FLVCR1: variants seen among roughly 807,000 people sequenced by gnomAD.
The protein encoded by FLVCR1 is FLVCR choline and heme transporter 1, also known as choline/ethanolamine transporter FLVCR1.
Under a neutral mutation model 53.6 loss-of-function variants are expected in FLVCR1, and 34 were observed. The ratio of observed to expected loss-of-function variants is 0.63; its 90% CI spans 0.48 to 0.84. The LOEUF is 0.84. Among genes scored for constraint, FLVCR1 ranks in the 40% least tolerant of loss-of-function variants. The pLI is 0.00. For synonymous variants in FLVCR1, 300 were observed against 286.3 expected, an observed-to-expected ratio of 1.05 and a Z score of -0.48; for missense variants, 677 against 696.7, an observed-to-expected ratio of 0.97 and a Z score of 0.32.
At position 212,859,198 on chromosome 1, in the gene FLVCR1, C is replaced by T. The variant is rs774389293; in HGVS notation, c.738+8C>T. On this transcript the variant is annotated splice_region_variant and intron_variant, in intron 1 of 9. Coordinates refer to ENST00000366971, the MANE Select transcript of FLVCR1 (RefSeq NM_014053.4). ...GCCGTGCTGGGCAATCAGGTAAGTACTGGAGTGGTAGGTGAAAGTCAGATC... is the reference window on the plus strand; with the variant it reads ...GCCGTGCTGGGCAATCAGGTAAGTATTGGAGTGGTAGGTGAAAGTCAGATC... The T allele has an allele frequency of 5.6e-6, 9 of 1,613,866 alleles. No homozygotes were observed. The highest frequency in any genetic ancestry group is 3.3e-5 in the South Asian group (3 of 91,066).
chr1:212,859,045 A>G lies in FLVCR1; in HGVS notation c.593A>G (p.His198Arg), dbSNP rs1664133784. The change falls in exon 1 of 10, where the codon CAT (histidine) becomes CGT (arginine). Residue 198 changes from histidine (H) to arginine (R), a missense_variant. By Grantham distance (29) the His-to-Arg change is conservative (BLOSUM62 0). Coordinates refer to ENST00000366971, the MANE Select transcript of FLVCR1 (RefSeq NM_014053.4). ...ATCAAGTGCGGCAGTGTGCAGCAGC[A>G]TCTCTTCTGGGTCACCATGTTGGGC... is the stretch of plus-strand genomic sequence containing the variant. ...AWIKCGSVQQ[H>R]LFWVTMLGQC... 6.2e-7 allele frequency: 1 copy of G among 1,612,460 alleles called. No individual in the cohort carries two copies.
chr1:212,879,408 AAGCTTGG>A (rs2102559431), intron 3 of FLVCR1, among the ~76,000 whole-genome samples: 1 of 152,276 alleles, frequency 6.6e-6, no homozygotes, highest in South Asian at 2.1e-4. Context: ...TGATATATAT[AAGCTTGG>A]AGCAGTCTTG....
At chr1:212,892,931 TC>T (rs1267199122) in intron 8 of FLVCR1, among the ~76,000 whole-genome samples, 1 of 152,112 alleles carries the variant, frequency 6.6e-6, no homozygotes, top group Non-Finnish European at 1.5e-5. Context: ...GTTCAAGACT[TC>T]AGTGGAGGAA....
chr1:212,870,108 T>A (rs1031558311), intron 2 of FLVCR1: 1 of 152,150 alleles, frequency 6.6e-6, no homozygotes, highest in African/African-American at 2.4e-5. Context: ...CAAGATCAGA[T>A]AGAATGAAAG....
intron 5 of FLVCR1, among the ~76,000 whole-genome samples, chr1:212,887,363 T>G (rs1052798490): frequency 6.6e-6 from 1 of 152,266 alleles, no homozygotes; most frequent in Non-Finnish European, 1.5e-5. Flanking sequence ...ACTCCTGTTG[T>G]GTGCATCTTT....
intron 8 of FLVCR1, among the ~76,000 whole-genome samples, chr1:212,889,491 G>A (rs1396894715): frequency 6.6e-6 from 1 of 152,196 alleles, no homozygotes; most frequent in Non-Finnish European, 1.5e-5. Context: ...TAAAGGCTGG[G>A]TGTGTTGGCT....
rs1665315852 is a variant in FLVCR1, at chr1:212,895,663, C to T, written c.*373C>T. 1 of 304,188 alleles carries T rather than the reference C, an allele frequency of 3.3e-6. No homozygotes were observed. Among genetic ancestry groups the T allele is most frequent in the African/African-American group, 2.2e-5 (1 of 45,466 alleles). The allele number at this position is 304,188 out of a possible 1,614,324, so 18.8% of individuals were successfully genotyped here. On this transcript the variant is annotated 3_prime_UTR_variant, in exon 10 of 10. Coordinates refer to ENST00000366971, the MANE Select transcript of FLVCR1 (RefSeq NM_014053.4). ...AAGTGATAATATGGGGTGTTCAGTC[C>T]CCATAAGATATAATAGTTCATGCAG... is the stretch of plus-strand genomic sequence containing the variant.
Position 212,887,988 on chromosome 1 carries a change from G to A in FLVCR1, c.1294G>A (p.Gly432Arg). The change falls in exon 6 of 10, where the codon GGA becomes AGA. Residue 432 changes from glycine to arginine, a missense_variant. Physicochemically the swap from Gly to Arg is moderately radical, Grantham distance 125 (BLOSUM62 -2). Transcript: ENST00000366971. ...ATATATTATCATCGTGTTTGTTACT[G>A]GAGGGGTGCTTGGGTAAGTATCAGA... ...LRYIIIVFVT[G>R]GVLGFFMTGY... The A allele has an allele frequency of 1.3e-6, 2 of 1,583,490 alleles. No homozygotes were observed. The highest frequency in any genetic ancestry group is 1.7e-6 in the Non-Finnish European group (2 of 1,152,604).
chr1:212,881,346 T>G (rs1252253214), intron 3 of FLVCR1, among the ~76,000 whole-genome samples: 2 of 102,722 alleles, frequency 1.9e-5, no homozygotes, highest in African/African-American at 5.9e-5. Context: ...CTGTCGAATT[T>G]CTTTTTTTTT....
chr1:212,877,290 A>G (rs553007436), intron 3 of FLVCR1, among the ~76,000 whole-genome samples: 48 of 152,132 alleles, frequency 3.2e-4, no homozygotes, highest in Admixed American at 3.9e-4. Context: ...AATATAAACA[A>G]TAGATGTTTA....
chr1:212,872,227 C>A (rs1447357461), intron 2 of FLVCR1, among the ~76,000 whole-genome samples: 1 of 152,088 alleles, frequency 6.6e-6, no homozygotes, highest in South Asian at 2.1e-4. Context: ...GGTTCTTCCC[C>A]CTTCAACCTC....
chr1:212,865,988 T>G (rs9787018), intron 2 of FLVCR1, among the ~76,000 whole-genome samples: 1 of 75,292 alleles, frequency 1.3e-5, no homozygotes, highest in East Asian at 4.6e-4. Flanking sequence ...TTGGTTTTTT[T>G]TTTTTTTTTT....
intron 3 of FLVCR1, among the ~76,000 whole-genome samples, chr1:212,875,810 C>T (rs1664737982): frequency 2.0e-5 from 3 of 149,948 alleles, no homozygotes; most frequent in Admixed American, 1.3e-4. Flanking sequence ...CACTGCACTC[C>T]AGCCTGGGTG....
intron 8 of FLVCR1, among the ~76,000 whole-genome samples, chr1:212,894,028 G>A (rs1214900020): frequency 1.3e-5 from 2 of 151,954 alleles, no homozygotes; most frequent in Admixed American, 6.6e-5. Flanking sequence ...CACCCGCCTC[G>A]GCCTCTCAAA....
chr1:212,866,914 A>G (rs2102542513), intron 2 of FLVCR1, among the ~76,000 whole-genome samples: 1 of 152,388 alleles, frequency 6.6e-6, no homozygotes, highest in Admixed American at 6.5e-5. Context: ...AAATTGTGAC[A>G]TTTAAATAGA....
chr1:212,859,250 C>T, intron 1 of FLVCR1, 60 bp downstream of exon 1: 1 of 1,610,648 alleles, frequency 6.2e-7, no homozygotes, highest in Non-Finnish European at 8.5e-7. Flanking sequence ...AAGTCATAGG[C>T]CGTGAGAACT....
chr1:212,882,400 T>C (rs987532425), intron 3 of FLVCR1, among the ~76,000 whole-genome samples: 3 of 152,120 alleles, frequency 2.0e-5, no homozygotes, highest in Non-Finnish European at 4.4e-5. Context: ...ATACAAATAA[T>C]ATTTATATAC....
intron 8 of FLVCR1, 85 bp downstream of exon 8, chr1:212,889,342 T>C: frequency 1.2e-6 from 1 of 845,236 alleles, no homozygotes; most frequent in Non-Finnish European, 2.0e-6. Flanking sequence ...TTGACAGAAC[T>C]CAAGGGGAAA....
At chr1:212,890,199 A>G (rs1665155708) in intron 8 of FLVCR1, among the ~76,000 whole-genome samples, 1 of 152,252 alleles carries the variant, frequency 6.6e-6, no homozygotes, top group Admixed American at 6.5e-5. Context: ...TGGGTGTACA[A>G]TAGATTTGGA....
Sources: gnomAD v4.1 joint callset for allele counts (sites outside exome capture counted in the v4.1 genomes callset) on GRCh38, gnomAD v4.1.1 for gene constraint, MANE v1.5 for transcripts, NCBI Gene and HGNC (gene_info 2026-07-23, HGNC 2026-07-21) for gene names.